AVP: variants seen among roughly 807,000 people sequenced by gnomAD.
AVP encodes arginine vasopressin.
In AVP, 9 loss-of-function variants were observed where a neutral mutation model predicts 11.1. That is an observed-to-expected ratio of 0.81 (90% CI 0.49 to 1.42). AVP has a LOEUF of 1.42. Ranked by LOEUF, AVP falls within the 40% of genes most tolerant of loss-of-function variation. The probability of loss-of-function intolerance (pLI) is 0.00; values close to 1 mark genes in which losing one functional copy is unlikely to be tolerated. For missense variants in AVP, 206 were observed against 238.5 expected (o/e 0.86, Z 0.90); for synonymous variants, 106 against 111.3 (o/e 0.95, Z 0.30).
rs1350221235 is a variant in AVP, at chr20:3,083,159, C to T, written c.140G>A (p.Gly47Glu). The T allele has an allele frequency of 4.0e-6, 6 of 1,506,578 alleles. No homozygotes were observed. Among genetic ancestry groups the T allele is most frequent in the Admixed American group, 2.1e-5 (1 of 48,144 alleles). 93.3% of individuals were successfully genotyped at this position (1,506,578 alleles called of 1,614,324 possible). A position where few individuals can be genotyped will look rare whatever the true frequency, so the allele number is the denominator to read the frequency against. Residue 47 changes from glycine to glutamate, a missense_variant, in exon 2 of 3, where the codon GGG becomes GAG. Gly to Glu is a moderately conservative substitution (Grantham distance 98, BLOSUM62 -2). Coordinates refer to ENST00000380293, the MANE Select transcript of AVP (RefSeq NM_000490.5). The surrounding 1 kb of genome is among the most constrained non-coding windows in gnomAD (Gnocchi z 5.4). The stretch of plus-strand genomic sequence containing the variant: ...GGGCCCGAAGCAGCGGCCTTTGCCC[C>T]CGGGGCCGCAGGGGAGGCACTGCGG... Reference protein sequence around the residue: ...ELRQCLPCGPGGKGRCFGPSI... With the variant: ...ELRQCLPCGPEGKGRCFGPSI...
At chr20:3,084,364 C>G (rs1008979856) in intron 1 of AVP, among the ~76,000 whole-genome samples, 191 bp downstream of exon 1, 1 of 152,218 alleles carries the variant, frequency 6.6e-6, no homozygotes, top group Non-Finnish European at 1.5e-5. Flanking sequence ...TCCCAGCCTC[C>G]TCCAAAGCCT....
In AVP at chr20:3,082,670, G is replaced by A. The variant is rs2148570490; in HGVS notation, c.455C>T (p.Ala152Val). The A allele has an allele frequency of 7.8e-7, 1 of 1,283,904 alleles. No individual in the cohort carries two copies. Among genetic ancestry groups the A allele is most frequent in the Non-Finnish European group, 9.8e-7 (1 of 1,019,154 alleles). The allele number at this position is 1,283,904 out of a possible 1,614,324, so 79.5% of individuals were successfully genotyped here. ...LLLRLVQLAG[A>V]PEPFEPAQPD... is the part of the protein sequence containing the mutation. Reference sequence around the variant, plus strand: ...CTGGGCGGGCTCGAAGGGCTCGGGCGCCCCGGCCAGCTGCACCAGCCGCAG... The same window carrying A: ...CTGGGCGGGCTCGAAGGGCTCGGGCACCCCGGCCAGCTGCACCAGCCGCAG... The change falls in exon 3 of 3, where the codon GCG (alanine) becomes GTG (valine). Residue 152 changes from alanine (A) to valine (V), a missense_variant. Transcript: ENST00000380293. The surrounding 1 kb of genome is among the most constrained non-coding windows in gnomAD (Gnocchi z 4.7).
Position 3,082,941 on chromosome 20 carries a change from GC to G in AVP, c.322+35del, listed in dbSNP as rs200820983. The G allele has an allele frequency of 4.3e-5, 47 of 1,100,546 alleles. 1 individual carries two copies. The highest frequency in any genetic ancestry group is 6.8e-4 in the Middle Eastern group (2 of 2,946). 68.2% of individuals were successfully genotyped at this position (1,100,546 alleles called of 1,614,324 possible). A position where few individuals can be genotyped will look rare whatever the true frequency, so the allele number is the denominator to read the frequency against. On this transcript the variant is annotated intron_variant, in intron 2 of 2. Coordinates refer to ENST00000380293, the MANE Select transcript of AVP (RefSeq NM_000490.5). The surrounding 1 kb of genome is among the most constrained non-coding windows in gnomAD (Gnocchi z 4.7). The stretch of plus-strand genomic sequence containing the variant: ...CGTCCCCCCCACCCAAGCGGTCTGC[GC>G]CCCCCCCAGCCCCAGGCCCGCCCCC...
rs2066117251 is a variant in AVP at position 3,082,850 on chromosome 20, C to T, written c.323-48G>A. On this transcript the variant is annotated intron_variant, in intron 2 of 2. Transcript: ENST00000380293. This position sits in a 1 kb window ranked among gnomAD's most constrained non-coding sequence, Gnocchi z 4.7. Reference sequence around the variant, plus strand: ...CGGGCGCCCTGGGGCGGGCGCAGCTCGGGGTGCGGGGGGCCCACACCCTCC... The same window carrying T: ...CGGGCGCCCTGGGGCGGGCGCAGCTTGGGGTGCGGGGGGCCCACACCCTCC... 1 of 1,219,720 alleles carries T rather than the reference C, an allele frequency of 8.2e-7. No homozygotes were observed. 75.6% of individuals were successfully genotyped at this position (1,219,720 alleles called of 1,614,324 possible). A position where few individuals can be genotyped will look rare whatever the true frequency, so the allele number is the denominator to read the frequency against.
chr20:3,084,426 C>T, intron 1 of AVP, 129 bp downstream of exon 1: 1 of 1,519,846 alleles, frequency 6.6e-7, no homozygotes, highest in Non-Finnish European at 9.0e-7. Flanking sequence ...TGCCATGCCT[C>T]CCTCTTCCTC....
Position 3,082,794 on chromosome 20 carries a change from C to T in AVP, c.331G>A (p.Val111Met), listed in dbSNP as rs1018338454. 3.8e-5 allele frequency: 47 copies of T among 1,247,502 alleles called. No individual in the cohort carries two copies. Among genetic ancestry groups the T allele is most frequent in the Non-Finnish European group, 4.5e-5 (45 of 998,526 alleles). 77.3% of individuals were successfully genotyped at this position (1,247,502 alleles called of 1,614,324 possible). ...CCCTCGCGGCACTCGGGCTCGGTCA[C>T]GCAGCTCTCTGCCGGGAGGACGTGT... ...FGVCCNDESC[V>M]TEPECREGFH... Residue 111 changes from valine (V) to methionine (M), a missense_variant, in exon 3 of 3, where the codon GTG becomes ATG. This residue lies in a region of AVP where 106 missense variants were observed against 89.2 expected (regional missense o/e 1.19). Transcript: ENST00000380293. The surrounding 1 kb of genome is among the most constrained non-coding windows in gnomAD (Gnocchi z 4.7).
At position 3,082,599 on chromosome 20, in the gene AVP, G is replaced by A. The variant is rs974234418; in HGVS notation, c.*31C>T. The A allele has an allele frequency of 3.0e-5, 37 of 1,244,264 alleles. No individual in the cohort carries two copies. Among genetic ancestry groups the A allele is most frequent in the Non-Finnish European group, 3.6e-5 (36 of 995,252 alleles). 77.1% of individuals were successfully genotyped at this position (1,244,264 alleles called of 1,614,324 possible). ...TTGTCCGTGCTGCAGGGGCGGGCGCGAAGAGCGCGCCGGTGGGGCGAGCGC... is the reference window on the plus strand; with the variant it reads ...TTGTCCGTGCTGCAGGGGCGGGCGCAAAGAGCGCGCCGGTGGGGCGAGCGC... On this transcript the variant is annotated 3_prime_UTR_variant, in exon 3 of 3. Transcript: ENST00000380293. This position sits in a 1 kb window ranked among gnomAD's most constrained non-coding sequence, Gnocchi z 4.7.
chr20:3,084,413 C>T, intron 1 of AVP, 142 bp downstream of exon 1: 1 of 1,466,992 alleles, frequency 6.8e-7, no homozygotes, highest in Non-Finnish European at 9.3e-7. Context: ...CTCTGCCCAG[C>T]CATGCCATGC....
In AVP at chr20:3,082,968, G is replaced by A; in HGVS notation, c.322+9C>T. 3 of 564,076 alleles carry A rather than the reference G, an allele frequency of 5.3e-6. No individual in the cohort carries two copies. The highest frequency in any genetic ancestry group is 4.9e-6 in the Non-Finnish European group (2 of 408,736). 34.9% of individuals were successfully genotyped at this position (564,076 alleles called of 1,614,324 possible). ...CCCCCCCAGCCCCAGGCCCGCCCCC[G>A]CCGCGCACCGTCGTTGCAGCAAACG... is the stretch of plus-strand genomic sequence containing the variant. On this transcript the variant is annotated intron_variant, in intron 2 of 2. Coordinates refer to ENST00000380293, the MANE Select transcript of AVP (RefSeq NM_000490.5). The surrounding 1 kb of genome is among the most constrained non-coding windows in gnomAD (Gnocchi z 4.7).
rs896887866 is a variant in AVP, at chr20:3,082,793, A to C, written c.332T>G (p.Val111Gly). 5.6e-6 allele frequency: 7 copies of C among 1,247,884 alleles called. No individual in the cohort carries two copies. The highest frequency in any genetic ancestry group is 7.0e-6 in the Non-Finnish European group (7 of 998,698). The allele number at this position is 1,247,884 out of a possible 1,614,324, so 77.3% of individuals were successfully genotyped here. ...GCCCTCGCGGCACTCGGGCTCGGTC[A>C]CGCAGCTCTCTGCCGGGAGGACGTG... ...FGVCCNDESC[V>G]TEPECREGFH... The change falls in exon 3 of 3, where the codon GTG becomes GGG. Residue 111 changes from valine (V) to glycine (G), a missense_variant. Physicochemically the swap from Val to Gly is moderately radical, Grantham distance 109. Around this residue, in one of 2 missense-constraint regions of AVP, gnomAD observed 106 missense variants for 89.2 expected, o/e 1.19. Coordinates refer to ENST00000380293, the MANE Select transcript of AVP (RefSeq NM_000490.5). The surrounding 1 kb of genome is among the most constrained non-coding windows in gnomAD (Gnocchi z 4.7).
At position 3,083,165 on chromosome 20, in the gene AVP, C is replaced by T. The variant is rs1289002349; in HGVS notation, c.134G>A (p.Gly45Asp). 6 of 1,502,384 alleles carry T rather than the reference C, an allele frequency of 4.0e-6. No homozygotes were observed. Among genetic ancestry groups the T allele is most frequent in the East Asian group, 2.8e-5 (1 of 36,320 alleles). 93.1% of individuals were successfully genotyped at this position (1,502,384 alleles called of 1,614,324 possible). A position where few individuals can be genotyped will look rare whatever the true frequency, so the allele number is the denominator to read the frequency against. The change falls in exon 2 of 3, where the codon GGC becomes GAC. Residue 45 changes from glycine to aspartate, a missense_variant. Transcript: ENST00000380293. The surrounding 1 kb of genome is among the most constrained non-coding windows in gnomAD (Gnocchi z 5.4). Reference protein sequence around the residue: ...DLELRQCLPCGPGGKGRCFGP... With the variant: ...DLELRQCLPCDPGGKGRCFGP... ...GAAGCAGCGGCCTTTGCCCCCGGGG[C>T]CGCAGGGGAGGCACTGCGGGGACGG...
At position 3,083,603 on chromosome 20, in the gene AVP, CA is replaced by C. The variant is rs2066122949; in HGVS notation, c.121-426del. 6.6e-6 allele frequency among the ~76,000 whole-genome samples: 1 copy of C among 152,170 alleles called. No homozygotes were observed. The highest frequency in any genetic ancestry group is 1.5e-5 in the Non-Finnish European group (1 of 68,026). ...GGGCCCACCCCCTTCCCCACTACACCATGCGGAGAGGCCCTACCCATCCAGA... is the reference window on the plus strand; with the variant it reads ...GGGCCCACCCCCTTCCCCACTACACCTGCGGAGAGGCCCTACCCATCCAGA... On this transcript the variant is annotated intron_variant, in intron 1 of 2. Coordinates refer to ENST00000380293, the MANE Select transcript of AVP (RefSeq NM_000490.5). This position sits in a 1 kb window ranked among gnomAD's most constrained non-coding sequence, Gnocchi z 5.4.
chr20:3,084,651 G>A lies in AVP; in HGVS notation c.24C>T (p.Ala8=), dbSNP rs1371146848. Residue 8 remains alanine (A), a synonymous_variant, in exon 1 of 3, where the codon GCC becomes GCT. Coordinates refer to ENST00000380293, the MANE Select transcript of AVP (RefSeq NM_000490.5). MPDTMLP[A]CFLGLLAFSS... ...AGAAGGCCAGTAGGCCGAGGAAGCA[G>A]GCGGGCAGCATGGTGTCAGGCATCC... 1.9e-6 allele frequency: 3 copies of A among 1,613,580 alleles called. No individual in the cohort carries two copies. Among genetic ancestry groups the A allele is most frequent in the Non-Finnish European group, 2.5e-6 (3 of 1,180,028 alleles).
Position 3,082,684 on chromosome 20 carries a change from C to T in AVP, c.441G>A (p.Val147=), listed in dbSNP as rs2066115901. 2.3e-6 allele frequency: 3 copies of T among 1,290,650 alleles called. No individual in the cohort carries two copies. Among genetic ancestry groups the T allele is most frequent in the Non-Finnish European group, 2.9e-6 (3 of 1,022,368 alleles). The allele number at this position is 1,290,650 out of a possible 1,614,324, so 79.9% of individuals were successfully genotyped here. Residue 147 remains valine, a synonymous_variant, in exon 3 of 3, where the codon GTG becomes GTA. Coordinates refer to ENST00000380293, the MANE Select transcript of AVP (RefSeq NM_000490.5). The surrounding 1 kb of genome is among the most constrained non-coding windows in gnomAD (Gnocchi z 4.7). ...AGGGCTCGGGCGCCCCGGCCAGCTG[C>T]ACCAGCCGCAGCAGCAAGGCCCCGG... ...GPAGALLLRL[V]QLAGAPEPFE...
chr20:3,082,624 C>T lies in AVP; in HGVS notation c.*6G>A, dbSNP rs1443405132. On this transcript the variant is annotated 3_prime_UTR_variant, in exon 3 of 3. Transcript: ENST00000380293. The surrounding 1 kb of genome is among the most constrained non-coding windows in gnomAD (Gnocchi z 4.7). ...GAAGAGCGCGCCGGTGGGGCGAGCG[C>T]GGGGCTCAGTAGGCGTCGGGCTGGG... 2 of 1,252,748 alleles carry T rather than the reference C, an allele frequency of 1.6e-6. No individual in the cohort carries two copies. Among genetic ancestry groups the T allele is most frequent in the Non-Finnish European group, 2.0e-6 (2 of 1,000,716 alleles). 77.6% of individuals were successfully genotyped at this position (1,252,748 alleles called of 1,614,324 possible).
rs2066121233 is a variant in AVP, at chr20:3,083,293, C to G, written c.121-115G>C. The G allele has an allele frequency of 8.6e-7, 1 of 1,161,328 alleles. No individual in the cohort carries two copies. The highest frequency in any genetic ancestry group is 1.1e-6 in the Non-Finnish European group (1 of 889,662). 71.9% of individuals were successfully genotyped at this position (1,161,328 alleles called of 1,614,324 possible). A position where few individuals can be genotyped will look rare whatever the true frequency, so the allele number is the denominator to read the frequency against. ...AGGGCTCGGAGTGCGGGCGGGACAC[C>G]GGGGCTGCGGCTGCAGGCACGCTCG... is the stretch of plus-strand genomic sequence containing the variant. On this transcript the variant is annotated intron_variant, in intron 1 of 2. Transcript: ENST00000380293. This position sits in a 1 kb window ranked among gnomAD's most constrained non-coding sequence, Gnocchi z 5.4.
In AVP at chr20:3,083,451, T is replaced by A. The variant is rs1282151710; in HGVS notation, c.121-273A>T. On this transcript the variant is annotated intron_variant, in intron 1 of 2. Coordinates refer to ENST00000380293, the MANE Select transcript of AVP (RefSeq NM_000490.5). This position sits in a 1 kb window ranked among gnomAD's most constrained non-coding sequence, Gnocchi z 5.4. ...AGCTAGGGACGGGTCTCCCGTGGACTACAGCGTGGGGAACCCTTCCTCGAG... is the reference window on the plus strand; with the variant it reads ...AGCTAGGGACGGGTCTCCCGTGGACAACAGCGTGGGGAACCCTTCCTCGAG... 6.6e-6 allele frequency among the ~76,000 whole-genome samples: 1 copy of A among 152,086 alleles called. No individual in the cohort carries two copies. Among genetic ancestry groups the A allele is most frequent in the East Asian group, 1.9e-4 (1 of 5,178 alleles).
Position 3,084,591 on chromosome 20 carries a change from G to A in AVP, c.84C>T (p.Gly28=), listed in dbSNP as rs764339248. The A allele has an allele frequency of 1.4e-5, 22 of 1,613,936 alleles. No individual in the cohort carries two copies. The highest frequency in any genetic ancestry group is 1.1e-5 in the South Asian group (1 of 91,084). The change falls in exon 1 of 3, where the codon GGC becomes GGT. Residue 28 remains glycine, a synonymous_variant. Transcript: ENST00000380293. ...SACYFQNCPR[G]GKRAMSDLEL... ...CCAGGTCGGACATGGCCCTCTTGCC[G>A]CCCCTCGGGCAGTTCTGGAAGTAGC...
Position 3,083,233 on chromosome 20 carries a change from G to T in AVP, c.121-55C>A, listed in dbSNP as rs936616789. The T allele has an allele frequency of 7.2e-7, 1 of 1,398,544 alleles. No individual in the cohort carries two copies. The highest frequency in any genetic ancestry group is 9.3e-7 in the Non-Finnish European group (1 of 1,074,132). The allele number at this position is 1,398,544 out of a possible 1,614,324, so 86.6% of individuals were successfully genotyped here. ...AGGGGAGCCGGGAGTCGAGGGGTTG[G>T]AGGGGAACGCAGCGAGGCGGGGATG... is the stretch of plus-strand genomic sequence containing the variant. On this transcript the variant is annotated intron_variant, in intron 1 of 2. Coordinates refer to ENST00000380293, the MANE Select transcript of AVP (RefSeq NM_000490.5). The surrounding 1 kb of genome is among the most constrained non-coding windows in gnomAD (Gnocchi z 5.4).
Sources: gnomAD v4.1 joint callset for allele counts (sites outside exome capture counted in the v4.1 genomes callset) on GRCh38, gnomAD v4.1.1 for gene constraint, gnomAD v4.1.1 regional missense constraint, Gnocchi (gnomAD v3.1) non-coding constraint, MANE v1.5 for transcripts, NCBI Gene and HGNC (gene_info 2026-07-23, HGNC 2026-07-21) for gene names.